DPP6: variants seen among roughly 807,000 people sequenced by gnomAD.
DPP6 encodes the protein A-type potassium channel modulatory protein DPP6.
A neutral mutation model predicts 122.6 loss-of-function variants in DPP6; 69 were observed. That is an observed-to-expected ratio of 0.56 (90% CI 0.46 to 0.69). DPP6 has a LOEUF of 0.69. Ranked by LOEUF, DPP6 falls within the 30% of genes least tolerant of loss-of-function variation. The pLI, the probability that DPP6 is intolerant of heterozygous loss-of-function variation, is 0.00. For missense variants in DPP6, 928 were observed against 1,116.9 expected, an observed-to-expected ratio of 0.83 and a Z score of 2.41; for synonymous variants, 418 against 433.1, an observed-to-expected ratio of 0.97 and a Z score of 0.43.
At chr7:153,980,777 C>T (rs1271522092) in intron 1 of DPP6, among the ~76,000 whole-genome samples, 1 of 152,052 alleles carries the variant, frequency 6.6e-6, no homozygotes, top group Non-Finnish European at 1.5e-5. Context: ...AAAGAACTTA[C>T]TTATTTCTGC....
intron 16 of DPP6, among the ~76,000 whole-genome samples, chr7:154,837,624 C>T (rs1344484923): frequency 6.6e-6 from 1 of 152,164 alleles, no homozygotes; most frequent in Non-Finnish European, 1.5e-5. Context: ...TTCTGGTGGG[C>T]GAGGCGCTCT....
chr7:153,876,648 AAC>A, the DPP6 span, among the ~76,000 whole-genome samples: 2 of 152,080 alleles, frequency 1.3e-5, no homozygotes, highest in Non-Finnish European at 2.9e-5. Context: ...AACAGCAAAT[AAC>A]ACACAGTCAC....
chr7:154,752,833 G>A (rs568954330), intron 8 of DPP6, among the ~76,000 whole-genome samples: 3 of 152,300 alleles, frequency 2.0e-5, no homozygotes, highest in East Asian at 3.9e-4. Flanking sequence ...GTAAATGTTG[G>A]GTTCTACCCA....
chr7:154,580,452 G>A (rs1831986761), intron 5 of DPP6, among the ~76,000 whole-genome samples: 1 of 152,188 alleles, frequency 6.6e-6, no homozygotes, highest in Non-Finnish European at 1.5e-5. Flanking sequence ...AACAGACAAA[G>A]ACGTGGCCTG....
At chr7:154,328,154 C>G (rs1289830147) in intron 1 of DPP6, among the ~76,000 whole-genome samples, 2 of 152,098 alleles carry the variant, frequency 1.3e-5, no homozygotes, top group African/African-American at 4.8e-5. Flanking sequence ...ATGGTTTGCT[C>G]GGATCCCTGG....
chr7:154,181,835 C>T (rs1357186308), intron 1 of DPP6, among the ~76,000 whole-genome samples: 2 of 151,340 alleles, frequency 1.3e-5, no homozygotes, highest in Non-Finnish European at 2.9e-5. Flanking sequence ...CTGAAACCTC[C>T]GCCTCCCTGT....
At position 154,060,754 on chromosome 7, in the gene DPP6, C is replaced by A. The variant is rs1459800464; in HGVS notation, c.243+7691C>A. 7.9e-5 allele frequency among the ~76,000 whole-genome samples: 11 copies of A among 140,114 alleles called. 1 individual carries two copies. The South Asian group carries it at 1.2e-3, about 15-fold the overall frequency. The allele number at this position is 140,114 out of a possible 152,430, so 91.9% of individuals were successfully genotyped here. ...CCCCCGCGAGGCAGGGACTGAGAGC[C>A]AGTCCCTCTTCCCCCCCTGGCTCTT... On this transcript the variant is annotated intron_variant, in intron 1 of 25. Coordinates refer to ENST00000377770, the MANE Select transcript of DPP6 (RefSeq NM_130797.4).
At chr7:153,984,013 C>G (rs1417274986) in intron 1 of DPP6, among the ~76,000 whole-genome samples, 1 of 151,212 alleles carries the variant, frequency 6.6e-6, no homozygotes, top group Non-Finnish European at 1.5e-5. Flanking sequence ...CAGGAATCCT[C>G]CTTACAGATG....
At chr7:154,508,248 A>C (rs1014001189) in intron 3 of DPP6, among the ~76,000 whole-genome samples, 6 of 152,034 alleles carry the variant, frequency 3.9e-5, no homozygotes, top group Admixed American at 3.9e-4. Context: ...TTATACCTGG[A>C]TTCTCCATCT....
Position 154,334,664 on chromosome 7 carries a change from C to T in DPP6, c.244-111550C>T, listed in dbSNP as rs533964474. On this transcript the variant is annotated intron_variant, in intron 1 of 25. Coordinates refer to ENST00000377770, the MANE Select transcript of DPP6 (RefSeq NM_130797.4). ...GTAATCCCAGCACTTTGGGAGGCCG[C>T]GGTGGCAGATCACTTGAGGTCAGAA... Among the ~76,000 whole-genome samples, 316 of 152,244 alleles carry T rather than the reference C, an allele frequency of 2.1e-3. 2 individuals carry two copies. In the Middle Eastern group the frequency reaches 0.027, roughly 13 times the overall value.
the DPP6 span, among the ~76,000 whole-genome samples, chr7:153,873,512 A>T: frequency 0.17 from 26,152 of 152,150 alleles, 2,238 homozygotes; most frequent in Middle Eastern, 0.22. Context: ...AAAAATTCTA[A>T]CCGTTCCATA....
chr7:154,392,208 G>A (rs1199612288), intron 1 of DPP6, among the ~76,000 whole-genome samples: 1 of 152,152 alleles, frequency 6.6e-6, no homozygotes, highest in African/African-American at 2.4e-5. Flanking sequence ...GGGAGGCGGA[G>A]GTTGCAGTGA....
upstream of DPP6, among the ~76,000 whole-genome samples, chr7:153,884,181 C>T (rs1019351672): frequency 2.0e-5 from 3 of 152,086 alleles, no homozygotes; most frequent in African/African-American, 4.8e-5. Flanking sequence ...CCACAACAGG[C>T]CCCAGTGTGT....
intron 5 of DPP6, among the ~76,000 whole-genome samples, chr7:154,582,849 C>T (rs1832165698): frequency 6.6e-6 from 1 of 152,182 alleles, no homozygotes; most frequent in Non-Finnish European, 1.5e-5. Context: ...GTGCTCAGGG[C>T]TCAGCCACCC....
At chr7:154,305,176 G>T in intron 1 of DPP6, 16 of 972,442 alleles carry the variant, frequency 1.6e-5, no homozygotes, top group Non-Finnish European at 1.9e-5. Context: ...TCCCCTTCCT[G>T]CACCCAGCCG....
chr7:154,269,522 C>T (rs1336759265), intron 1 of DPP6, among the ~76,000 whole-genome samples: 1 of 152,158 alleles, frequency 6.6e-6, no homozygotes, highest in Non-Finnish European at 1.5e-5. Context: ...CCACACAGAG[C>T]CCATGAGAAC....
At chr7:154,609,596 C>CATAT (rs1833782978) in intron 5 of DPP6, among the ~76,000 whole-genome samples, 1 of 152,028 alleles carries the variant, frequency 6.6e-6, no homozygotes, top group Non-Finnish European at 1.5e-5. Flanking sequence ...CACATGCACA[C>CATAT]ACATATACTT....
intron 1 of DPP6, among the ~76,000 whole-genome samples, chr7:154,133,985 C>G (rs1177263420): frequency 6.6e-6 from 1 of 151,644 alleles, no homozygotes; most frequent in Non-Finnish European, 1.5e-5. Flanking sequence ...GCTGGAAGAG[C>G]TCCCAAACCA....
At chr7:153,792,144 A>G in the DPP6 span, among the ~76,000 whole-genome samples, 1 of 152,234 alleles carries the variant, frequency 6.6e-6, no homozygotes, top group Non-Finnish European at 1.5e-5. Flanking sequence ...TTATTCTTTC[A>G]TTATTTGCTT....
Sources: gnomAD v4.1 joint callset for allele counts (sites outside exome capture counted in the v4.1 genomes callset) on GRCh38, gnomAD v4.1.1 for gene constraint, MANE v1.5 for transcripts, NCBI Gene and HGNC (gene_info 2026-07-23, HGNC 2026-07-21) for gene names.